The following PTPRT variants were observed in gnomAD, a reference collection of about 807,000 sequenced individuals.
PTPRT encodes the protein protein tyrosine phosphatase receptor type T, also known as receptor-type tyrosine-protein phosphatase T.
Under a neutral mutation model 176.8 loss-of-function variants are expected in PTPRT, and 56 were observed. The observed-to-expected ratio is 0.32, with a 90% confidence interval of 0.26 to 0.40. The LOEUF (loss-of-function observed/expected upper bound fraction) is 0.40, where lower values mean the gene tolerates loss of function less well. Among genes scored for constraint, PTPRT ranks in the 10% least tolerant of loss-of-function variants. PTPRT has a pLI of 1.00. For missense variants in PTPRT, 1,540 were observed against 1,908.2 expected (o/e 0.81, Z 3.60); for synonymous variants, 783 against 739.0 (o/e 1.06, Z -0.96).
At chr20:43,061,302 G>A (rs891795616) in intron 1 of PTPRT, among the ~76,000 whole-genome samples, 1 of 152,170 alleles carries the variant, frequency 6.6e-6, no homozygotes, top group African/African-American at 2.4e-5. Context: ...TTCCTTCTAT[G>A]TGCCTGAATC....
At chr20:42,590,531 T>G (rs750134123) in intron 7 of PTPRT, among the ~76,000 whole-genome samples, 2 of 151,702 alleles carry the variant, frequency 1.3e-5, no homozygotes, top group Non-Finnish European at 2.9e-5. Context: ...AAGTAACCAA[T>G]CACAAGCCTG....
At chr20:42,261,801 C>A (rs2056754638) in intron 13 of PTPRT, among the ~76,000 whole-genome samples, 1 of 152,132 alleles carries the variant, frequency 6.6e-6, no homozygotes, top group African/African-American at 2.4e-5. Flanking sequence ...AAATTGATCC[C>A]CTAAGGGGTG....
intron 1 of PTPRT, among the ~76,000 whole-genome samples, chr20:42,944,937 A>G (rs950936763): frequency 6.6e-6 from 1 of 152,118 alleles, no homozygotes; most frequent in African/African-American, 2.4e-5. Flanking sequence ...CAAGAGCTCA[A>G]TAAACTCACT....
chr20:42,391,868 A>C (rs545466180), intron 9 of PTPRT, among the ~76,000 whole-genome samples: 1 of 152,290 alleles, frequency 6.6e-6, no homozygotes, highest in South Asian at 2.1e-4. Context: ...AGCATAAGCA[A>C]GTTAATCATT....
intron 7 of PTPRT, among the ~76,000 whole-genome samples, chr20:42,498,266 C>T (rs1160610294): frequency 2.0e-5 from 3 of 152,036 alleles, no homozygotes; most frequent in Non-Finnish European, 4.4e-5. Flanking sequence ...CAAAGAGATC[C>T]CCCAAAACCT....
In PTPRT at chr20:42,619,863, C is replaced by G. The variant is rs1340925319; in HGVS notation, c.1153+58003G>C. ...TCTTCTAAATTTTTTTCAAAGTTTT[C>G]AACTTCTTTGCCTTTGGTTTGAATG... On this transcript the variant is annotated intron_variant, in intron 7 of 30. Transcript: ENST00000373187. Among the ~76,000 whole-genome samples the G allele has an allele frequency of 2.2e-5, 3 of 133,382 alleles. 1 individual carries two copies. The highest frequency in any genetic ancestry group is 4.7e-5 in the Non-Finnish European group (3 of 63,476). 87.5% of individuals were successfully genotyped at this position (133,382 alleles called of 152,430 possible).
chr20:43,123,872 A>G (rs1190564643), intron 1 of PTPRT, among the ~76,000 whole-genome samples: 3 of 152,212 alleles, frequency 2.0e-5, no homozygotes, highest in Non-Finnish European at 4.4e-5. Flanking sequence ...CCCCATCTGT[A>G]AAAAAGGAAG....
rs141887004 is a variant in PTPRT, at chr20:42,153,006, G to A, written c.2682+8346C>T. On this transcript the variant is annotated intron_variant, in intron 17 of 30. Coordinates refer to ENST00000373187, the MANE Select transcript of PTPRT (RefSeq NM_007050.6). Reference sequence around the variant, plus strand: ...AGCTTTGCACATGTAGTTCCCTCTTGTACACAACCTTCTCCTCTACCCATC... The same window carrying A: ...AGCTTTGCACATGTAGTTCCCTCTTATACACAACCTTCTCCTCTACCCATC... Among the ~76,000 whole-genome samples the A allele has an allele frequency of 2.0e-5, 3 of 152,050 alleles. No individual in the cohort carries two copies. In the East Asian group the frequency reaches 5.8e-4, roughly 29 times the overall value.
Position 42,583,674 on chromosome 20 carries a change from A to G in PTPRT, c.1153+94192T>C, listed in dbSNP as rs117741216. Among the ~76,000 whole-genome samples, 82 of 152,324 alleles carry G rather than the reference A, an allele frequency of 5.4e-4. 1 individual carries two copies. In the East Asian group the frequency reaches 0.014, roughly 26 times the overall value. On this transcript the variant is annotated intron_variant, in intron 7 of 30. Coordinates refer to ENST00000373187, the MANE Select transcript of PTPRT (RefSeq NM_007050.6). ...GCATTATCTTCTCTCATTCATCGAT[A>G]TTCTCAAATGGCTTATTACACAGAT...
chr20:43,148,623 T>C (rs2014245538), intron 1 of PTPRT, among the ~76,000 whole-genome samples: 1 of 152,184 alleles, frequency 6.6e-6, no homozygotes, highest in Non-Finnish European at 1.5e-5. Flanking sequence ...AGAAGAGGTG[T>C]TCCCATCCAG....
intron 1 of PTPRT, among the ~76,000 whole-genome samples, chr20:43,002,267 C>T (rs1327124807): frequency 6.6e-6 from 1 of 152,120 alleles, no homozygotes; most frequent in African/African-American, 2.4e-5. Context: ...ATTACCCACT[C>T]ATAGGTAGTA....
intron 2 of PTPRT, among the ~76,000 whole-genome samples, chr20:42,842,308 A>G (rs2078292246): frequency 6.6e-6 from 1 of 152,230 alleles, no homozygotes; most frequent in African/African-American, 2.4e-5. Context: ...ATCAGCAGCC[A>G]GTGCTACAAG....
intron 1 of PTPRT, among the ~76,000 whole-genome samples, chr20:42,957,957 G>T (rs1048848096): frequency 1.3e-5 from 2 of 151,370 alleles, no homozygotes; most frequent in South Asian, 4.2e-4. Context: ...GGTACTTTGG[G>T]CCCAATACTT....
rs535655542 is a variant in PTPRT, at chr20:42,759,389, G to A, written c.685-2753C>T. Among the ~76,000 whole-genome samples, 11 of 152,324 alleles carry A rather than the reference G, an allele frequency of 7.2e-5. 1 individual carries two copies. The highest frequency in any genetic ancestry group is 2.6e-4 in the African/African-American group (11 of 41,574). ...TCATATATAAGAGGAAACTGGGCTG[G>A]GCGTGGTGGCTCACGCCTGTAATCC... On this transcript the variant is annotated intron_variant, in intron 5 of 30. Transcript: ENST00000373187.
intron 7 of PTPRT, among the ~76,000 whole-genome samples, chr20:42,603,999 G>T (rs1396777667): frequency 6.6e-6 from 1 of 152,126 alleles, no homozygotes; most frequent in East Asian, 1.9e-4. Flanking sequence ...ATTTGTAGAA[G>T]CAAATCCAAT....
chr20:42,960,887 A>T (rs1981947290), intron 1 of PTPRT, among the ~76,000 whole-genome samples: 1 of 152,224 alleles, frequency 6.6e-6, no homozygotes, highest in Non-Finnish European at 1.5e-5. Context: ...AATCACTAAG[A>T]ATGAAAAACT....
intron 1 of PTPRT, among the ~76,000 whole-genome samples, chr20:42,939,732 TA>T (rs1980425761): frequency 1.3e-5 from 2 of 152,208 alleles, no homozygotes; most frequent in East Asian, 1.9e-4. Context: ...AAAAAGACAC[TA>T]AAAAATGAGT....
In PTPRT at chr20:43,090,535, C is replaced by T. The variant is rs190821045; in HGVS notation, c.88+99111G>A. On this transcript the variant is annotated intron_variant, in intron 1 of 30. Transcript: ENST00000373187. ...CACCCGCCTTGGCCTCCCAAAGTGC[C>T]GGGATTCCAGTCGTGAGCCACCGCG... is the stretch of plus-strand genomic sequence containing the variant. 6.2e-3 allele frequency among the ~76,000 whole-genome samples: 936 copies of T among 152,076 alleles called. 8 individuals are homozygous for T. Among genetic ancestry groups the T allele is most frequent in the African/African-American group, 0.021 (852 of 41,480 alleles).
intron 7 of PTPRT, among the ~76,000 whole-genome samples, chr20:42,665,487 T>G (rs919027031): frequency 2.0e-4 from 31 of 151,926 alleles, no homozygotes; most frequent in Non-Finnish European, 4.4e-4. Context: ...ACTTTTACAC[T>G]GTTGGTGGGA....
Sources: allele counts gnomAD v4.1 joint callset (sites outside exome capture counted in the v4.1 genomes callset), GRCh38; gene constraint gnomAD v4.1.1; transcripts MANE v1.5; gene names NCBI Gene and HGNC (gene_info 2026-07-23, HGNC 2026-07-21).